XKR3: variants seen among roughly 807,000 people sequenced by gnomAD.
XKR3 encodes the protein XK-related protein 3.
In XKR3, 27 loss-of-function variants were observed where a neutral mutation model predicts 40.3. The observed-to-expected ratio is 0.67, with a 90% confidence interval of 0.49 to 0.92. The LOEUF (loss-of-function observed/expected upper bound fraction) is 0.92, where lower values mean the gene tolerates loss of function less well. Among genes scored for constraint, XKR3 ranks in the 40% least tolerant of loss-of-function variants. The pLI is 0.00. For synonymous variants in XKR3, 193 were observed against 195.4 expected, an observed-to-expected ratio of 0.99 and a Z score of 0.10; for missense variants, 472 against 537.6, an observed-to-expected ratio of 0.88 and a Z score of 1.21.
chr22:16,801,775 T>C (rs5994021), intron 2 of XKR3, among the ~76,000 whole-genome samples: 131,636 of 151,474 alleles, frequency 0.87, 57,467 homozygotes, highest in African/African-American at 0.95. Context: ...GCAAAAAAAG[T>C]GTCATCAGCA....
chr22:16,795,291 A>T (rs1343770426), intron 3 of XKR3, among the ~76,000 whole-genome samples: 1 of 152,240 alleles, frequency 6.6e-6, no homozygotes, highest in Admixed American at 6.5e-5. Context: ...CAAACAACTT[A>T]CAACAGAATA....
At chr22:16,814,704 G>T (rs1569043416) in intron 1 of XKR3, among the ~76,000 whole-genome samples, 1 of 151,986 alleles carries the variant, frequency 6.6e-6, no homozygotes, top group Non-Finnish European at 1.5e-5. Flanking sequence ...TCATTCCTAA[G>T]TATTTTATTC....
chr22:16,795,555 A>C (rs961487061), intron 3 of XKR3, among the ~76,000 whole-genome samples: 3 of 152,222 alleles, frequency 2.0e-5, no homozygotes, highest in African/African-American at 7.2e-5. Context: ...AAGCTAGAGA[A>C]GTTAATGAAA....
At chr22:16,805,079 A>T (rs1055837551) in intron 2 of XKR3, among the ~76,000 whole-genome samples, 1 of 152,222 alleles carries the variant, frequency 6.6e-6, no homozygotes. Flanking sequence ...AACCAAAATA[A>T]TTAGTTGTTG....
intron 3 of XKR3, among the ~76,000 whole-genome samples, chr22:16,788,303 A>G (rs1439642663): frequency 4.6e-5 from 7 of 152,208 alleles, no homozygotes; most frequent in Non-Finnish European, 7.4e-5. Context: ...TTTTAAAGGG[A>G]AAGTTATGGC....
Position 16,799,990 on chromosome 22 carries a change from A to G in XKR3, c.370T>C (p.Leu124=), listed in dbSNP as rs769842461. 8 of 1,613,996 alleles carry G rather than the reference A, an allele frequency of 5.0e-6. No homozygotes were observed. The South Asian group carries it at 5.5e-5, about 11-fold the overall frequency. The change falls in exon 3 of 4, where the codon TTG becomes CTG. Residue 124 remains leucine (L), a synonymous_variant. Transcript: ENST00000684488. ...TCCTTCTCCTGTTTAAGATTTTTCA[A>G]CCATTTGTGGTAATTTCTAATGGTG... The part of the protein sequence containing the change: ...LHTIRNYHKW[L]KNLKQEKEET...
At chr22:16,814,787 T>C (rs1410926003) in intron 1 of XKR3, among the ~76,000 whole-genome samples, 1 of 152,144 alleles carries the variant, frequency 6.6e-6, no homozygotes, top group African/African-American at 2.4e-5. Flanking sequence ...TGTAGGTATA[T>C]AATTGACTTT....
chr22:16,796,724 C>T (rs2060142606), intron 3 of XKR3, among the ~76,000 whole-genome samples: 1 of 152,196 alleles, frequency 6.6e-6, no homozygotes, highest in Non-Finnish European at 1.5e-5. Context: ...CCATAGCCAA[C>T]ATCATACTGA....
Position 16,783,712 on chromosome 22 carries a change from A to C in XKR3, c.1287T>G (p.Thr429=). ...TCAGCTGCTTATTTTTATTCTTTTCAGTTTTCTCGATGTTTACATAATAGT... is the reference window on the plus strand; with the variant it reads ...TCAGCTGCTTATTTTTATTCTTTTCCGTTTTCTCGATGTTTACATAATAGT... ...APYYYVNIEK[T]EKNKNKQLRN... Residue 429 remains threonine, a synonymous_variant, in exon 4 of 4, where the codon ACT becomes ACG. Transcript: ENST00000684488. 9.3e-6 allele frequency: 15 copies of C among 1,613,904 alleles called. No homozygotes were observed. The Admixed American group carries it at 1.2e-4, about 13-fold the overall frequency.
intron 1 of XKR3, among the ~76,000 whole-genome samples, chr22:16,819,281 C>T (rs1377516647): frequency 6.6e-6 from 1 of 152,070 alleles, no homozygotes; most frequent in African/African-American, 2.4e-5. Context: ...ATAAAGCAAA[C>T]TTACATCCTT....
At chr22:16,785,234 A>G (rs5746894) in intron 3 of XKR3, among the ~76,000 whole-genome samples, 129,906 of 152,064 alleles carry the variant, frequency 0.85, 55,591 homozygotes, top group Middle Eastern at 0.97. Flanking sequence ...GGAGAACGGC[A>G]TGAACCCGGG....
chr22:16,801,708 C>T lies in XKR3; in HGVS notation c.336-1684G>A, dbSNP rs1264715535. On this transcript the variant is annotated intron_variant, in intron 2 of 3. Transcript: ENST00000684488. ...CAGCAAAAAAAAAAAAAGCAAACAA[C>T]AGAAAAGGCAGAAAAGGCTGTTTGT... is the stretch of plus-strand genomic sequence containing the variant. Among the ~76,000 whole-genome samples the T allele has an allele frequency of 5.5e-5, 8 of 144,570 alleles. No homozygotes were observed. The East Asian group carries it at 1.6e-3, about 29-fold the overall frequency. 94.8% of individuals were successfully genotyped at this position (144,570 alleles called of 152,430 possible).
At chr22:16,823,472 T>G (rs1406271984) in intron 1 of XKR3, among the ~76,000 whole-genome samples, 4 of 152,196 alleles carry the variant, frequency 2.6e-5, no homozygotes, top group Non-Finnish European at 4.4e-5. Context: ...TGGTCAATTC[T>G]TGAGTATCCA....
intron 1 of XKR3, among the ~76,000 whole-genome samples, chr22:16,815,603 G>C (rs1423942126): frequency 6.6e-6 from 1 of 151,856 alleles, no homozygotes; most frequent in Non-Finnish European, 1.5e-5. Context: ...TGTTTTCTTG[G>C]TAAGTAGAAG....
intron 3 of XKR3, among the ~76,000 whole-genome samples, chr22:16,789,886 T>C (rs1195533446): frequency 6.6e-6 from 1 of 152,186 alleles, no homozygotes; most frequent in Non-Finnish European, 1.5e-5. Context: ...AAAGTCAGTC[T>C]CTTCAATAAG....
At chr22:16,793,622 TG>T (rs1404935747) in intron 3 of XKR3, among the ~76,000 whole-genome samples, 27 of 151,992 alleles carry the variant, frequency 1.8e-4, no homozygotes, top group African/African-American at 6.3e-4. Context: ...GGAATTTAAA[TG>T]GGAGCAAAGA....
chr22:16,808,770 GACAT>G (rs1462200747), intron 1 of XKR3, among the ~76,000 whole-genome samples: 1 of 152,054 alleles, frequency 6.6e-6, no homozygotes, highest in African/African-American at 2.4e-5. Context: ...AAAAATTACT[GACAT>G]ACTGTGAACA....
At chr22:16,809,731 T>C (rs1030541585) in intron 1 of XKR3, among the ~76,000 whole-genome samples, 7 of 152,344 alleles carry the variant, frequency 4.6e-5, no homozygotes, top group African/African-American at 1.7e-4. Context: ...ACTTTCTTTT[T>C]GCCAAATATA....
intron 2 of XKR3, among the ~76,000 whole-genome samples, chr22:16,805,488 A>G (rs1425534262): frequency 1.3e-5 from 2 of 152,306 alleles, no homozygotes; most frequent in East Asian, 3.9e-4. Flanking sequence ...TATTAAGATG[A>G]CAATACTCCC....
Sources: gnomAD v4.1 joint callset for allele counts (sites outside exome capture counted in the v4.1 genomes callset) on GRCh38, gnomAD v4.1.1 for gene constraint, MANE v1.5 for transcripts, NCBI Gene and HGNC (gene_info 2026-07-23, HGNC 2026-07-21) for gene names.